PLXDC1: variants seen among roughly 807,000 people sequenced by gnomAD.
PLXDC1 encodes the protein plexin domain-containing protein 1.
PLXDC1 carries 39 observed loss-of-function variants against 61.3 expected under a neutral mutation model. That is an observed-to-expected ratio of 0.64 (90% CI 0.49 to 0.83). The LOEUF is 0.83. Ranked by LOEUF, PLXDC1 falls within the 40% of genes least tolerant of loss-of-function variation. The probability of loss-of-function intolerance (pLI) is 0.00; values close to 1 mark genes in which losing one functional copy is unlikely to be tolerated. For synonymous variants in PLXDC1, 212 were observed against 254.5 expected (o/e 0.83, Z 1.59); for missense variants, 596 against 666.5 (o/e 0.89, Z 1.17).
intron 8 of PLXDC1, among the ~76,000 whole-genome samples, chr17:39,084,438 G>A (rs1264530580): frequency 6.6e-6 from 1 of 152,218 alleles, no homozygotes; most frequent in Non-Finnish European, 1.5e-5. Context: ...GCATCATGCT[G>A]TATACCTGAA....
chr17:39,086,346 C>T (rs1456346412), intron 8 of PLXDC1, among the ~76,000 whole-genome samples: 2 of 152,172 alleles, frequency 1.3e-5, no homozygotes, highest in East Asian at 3.9e-4. Flanking sequence ...TGTCTGAGTC[C>T]TTTCTGTTGT....
intron 10 of PLXDC1, 48 bp from the exon 11 acceptor site, chr17:39,078,096 C>T (rs757070654): frequency 1.3e-6 from 2 of 1,496,036 alleles, no homozygotes; most frequent in South Asian, 1.4e-5. Context: ...TACACCTTTC[C>T]CTTCATCCTG....
chr17:39,100,195 C>T (rs990027136), intron 7 of PLXDC1, among the ~76,000 whole-genome samples: 4 of 152,204 alleles, frequency 2.6e-5, no homozygotes, highest in Admixed American at 2.6e-4. Flanking sequence ...CCCTCCCCAC[C>T]TGCCACCCCA....
At chr17:39,117,584 A>G (rs981630827) in intron 2 of PLXDC1, among the ~76,000 whole-genome samples, 2 of 149,628 alleles carry the variant, frequency 1.3e-5, no homozygotes, top group Admixed American at 6.6e-5. Context: ...AAAAAAAAAA[A>G]TGCAAAAATT....
At chr17:39,097,924 G>T (rs1000360032) in intron 7 of PLXDC1, among the ~76,000 whole-genome samples, 2 of 139,742 alleles carry the variant, frequency 1.4e-5, no homozygotes, top group Non-Finnish European at 3.1e-5. Context: ...AAAAAAAAAG[G>T]CCAGGTGCAA....
At chr17:39,088,959 A>AT (rs1212046901) in intron 7 of PLXDC1, among the ~76,000 whole-genome samples, 1 of 135,618 alleles carries the variant, frequency 7.4e-6, no homozygotes, top group Non-Finnish European at 1.6e-5. Flanking sequence ...AAAAAAAAAA[A>AT]AAAAAGAGAG....
chr17:39,149,313 C>T (rs947770354), intron 1 of PLXDC1, among the ~76,000 whole-genome samples: 11 of 152,134 alleles, frequency 7.2e-5, no homozygotes, highest in African/African-American at 2.4e-4. Context: ...AGCTGCCCTT[C>T]CACTGGTCAC....
intron 13 of PLXDC1, among the ~76,000 whole-genome samples, chr17:39,068,738 C>T (rs1417168680): frequency 1.3e-5 from 2 of 152,152 alleles, no homozygotes; most frequent in Non-Finnish European, 2.9e-5. Flanking sequence ...TCCCTGTGGC[C>T]CAGGGATCTG....
intron 2 of PLXDC1, among the ~76,000 whole-genome samples, chr17:39,113,703 T>C (rs918493884): frequency 1.3e-5 from 2 of 151,780 alleles, no homozygotes; most frequent in African/African-American, 4.8e-5. Context: ...ATAAAACAAT[T>C]CACTGGGTAT....
chr17:39,152,614 T>G (rs2045381455), upstream of PLXDC1: 3 of 1,250,452 alleles, frequency 2.4e-6, no homozygotes, highest in Non-Finnish European at 3.0e-6. Context: ...GCATCCTGGC[T>G]TCTAGTGGGC....
At position 39,065,012 on chromosome 17, in the gene PLXDC1, A is replaced by G. The variant is rs1046645463; in HGVS notation, c.*2828T>C. The G allele has an allele frequency of 1.3e-5, 2 of 152,186 alleles. No homozygotes were observed. The highest frequency in any genetic ancestry group is 2.4e-5 in the African/African-American group (1 of 41,426). The allele number at this position is 152,186 out of a possible 1,614,324, so 9.4% of individuals were successfully genotyped here. On this transcript the variant is annotated 3_prime_UTR_variant, in exon 14 of 14. Transcript: ENST00000315392. Reference sequence around the variant, plus strand: ...TCATCTCACTCCCCAACTCTAGCACACGTTTTCCCACTGGGAGCTCGGCCA... The same window carrying G: ...TCATCTCACTCCCCAACTCTAGCACGCGTTTTCCCACTGGGAGCTCGGCCA...
At chr17:39,125,483 A>G (rs1436242424) in intron 2 of PLXDC1, among the ~76,000 whole-genome samples, 4 of 152,218 alleles carry the variant, frequency 2.6e-5, no homozygotes, top group Non-Finnish European at 5.9e-5. Context: ...TATCCTGGCA[A>G]TGACCCAAAT....
chr17:39,128,125 A>ATGTGTATATATATGTATATATG (rs1911397310), intron 2 of PLXDC1, among the ~76,000 whole-genome samples: 1 of 36,736 alleles, frequency 2.7e-5, no homozygotes, highest in Admixed American at 2.2e-4. Flanking sequence ...GTATATATAT[A>ATGTGTATATATATGTATATATG]TGTGTATATA....
At chr17:39,107,568 A>G in intron 5 of PLXDC1, 43 bp from the exon 6 acceptor site, 1 of 1,391,014 alleles carries the variant, frequency 7.2e-7, no homozygotes, top group Non-Finnish European at 1.0e-6. Flanking sequence ...GAGATCATGC[A>G]AGGAGCAGGG....
At position 39,069,998 on chromosome 17, in the gene PLXDC1, G is replaced by A; in HGVS notation, c.1241C>T (p.Ser414Phe). Reference sequence around the variant, plus strand: ...CACAGGAGTGCCCTTTGTCTTGGGGGACAGGTTGTTCTGAAGGCCTGTGGA... The same window carrying A: ...CACAGGAGTGCCCTTTGTCTTGGGGAACAGGTTGTTCTGAAGGCCTGTGGA... ...AGGDGLQNNL[S>F]PKTKGTPVHL... Residue 414 changes from serine (S) to phenylalanine (F), a missense_variant, in exon 13 of 14, where the codon TCC (serine) becomes TTC (phenylalanine). Ser to Phe is a radical substitution (Grantham distance 155, BLOSUM62 -2). Coordinates refer to ENST00000315392, the MANE Select transcript of PLXDC1 (RefSeq NM_020405.5). 6.2e-7 allele frequency: 1 copy of A among 1,613,960 alleles called. No individual in the cohort carries two copies. Among genetic ancestry groups the A allele is most frequent in the African/African-American group, 1.3e-5 (1 of 75,026 alleles).
chr17:39,128,558 C>T (rs115445384), intron 2 of PLXDC1, among the ~76,000 whole-genome samples: 1,721 of 151,794 alleles, frequency 0.011, 33 homozygotes, highest in African/African-American at 0.039. Context: ...CAAGTGTTGG[C>T]GAGGATGTAG....
intron 7 of PLXDC1, among the ~76,000 whole-genome samples, chr17:39,090,303 A>G (rs1218474653): frequency 1.3e-5 from 2 of 152,046 alleles, no homozygotes; most frequent in African/African-American, 2.4e-5. Context: ...ATTGGTGTCA[A>G]TAAAGATTCC....
At chr17:39,131,313 C>A (rs965832417) in intron 2 of PLXDC1, among the ~76,000 whole-genome samples, 2 of 152,030 alleles carry the variant, frequency 1.3e-5, no homozygotes, top group Non-Finnish European at 2.9e-5. Context: ...TCCTGCCTCC[C>A]TGGACATGCT....
intron 1 of PLXDC1, among the ~76,000 whole-genome samples, chr17:39,147,113 G>A (rs1048645803): frequency 2.0e-5 from 3 of 151,788 alleles, no homozygotes; most frequent in East Asian, 2.0e-4. Flanking sequence ...GTACCACCAC[G>A]CCCAGCTAAT....
Sources: gnomAD v4.1 joint callset for allele counts (sites outside exome capture counted in the v4.1 genomes callset) on GRCh38, gnomAD v4.1.1 for gene constraint, MANE v1.5 for transcripts, NCBI Gene and HGNC (gene_info 2026-07-23, HGNC 2026-07-21) for gene names.